The following MICALL2 variants were observed in gnomAD, a reference collection of about 807,000 sequenced individuals.
MICALL2 encodes MICAL like 2.
A neutral mutation model predicts 91.1 loss-of-function variants in MICALL2; 111 were observed. The observed-to-expected ratio is 1.22, with a 90% CI of 1.04 to 1.43. The LOEUF (loss-of-function observed/expected upper bound fraction) is 1.43. Ranked by LOEUF, MICALL2 falls within the 40% of genes most tolerant of loss-of-function variation. The pLI is 0.00. For missense variants in MICALL2, 1,556 were observed against 1,236.0 expected (o/e 1.26, Z -3.88); for synonymous variants, 694 against 525.3 (o/e 1.32, Z -4.39).
At position 1,438,159 on chromosome 7, in the gene MICALL2, C is replaced by A. The variant is rs767507443; in HGVS notation, c.2249G>T (p.Arg750Leu). Reference protein sequence around the residue: ...IQRQLQDIERRLDALELRGVE... With the variant: ...IQRQLQDIERLLDALELRGVE... Reference sequence around the variant, plus strand: ...GCCGCGGAGCTCCAGGGCGTCCAGCCGCCTCTCGATGTCCTGCAGCTGCCT... The same window carrying A: ...GCCGCGGAGCTCCAGGGCGTCCAGCAGCCTCTCGATGTCCTGCAGCTGCCT... The change falls in exon 12 of 17, where the codon CGG becomes CTG. Residue 750 changes from arginine (R) to leucine (L), a missense_variant. Physicochemically the swap from Arg to Leu is moderately radical, Grantham distance 102. Coordinates refer to ENST00000297508, the MANE Select transcript of MICALL2 (RefSeq NM_182924.4). The A allele has an allele frequency of 1.9e-6, 3 of 1,563,812 alleles. No individual in the cohort carries two copies. Among genetic ancestry groups the A allele is most frequent in the Admixed American group, 1.9e-5 (1 of 52,710 alleles).
In MICALL2 at chr7:1,448,633, G is replaced by A. The variant is rs145238090; in HGVS notation, c.321C>T (p.His107=). The A allele has an allele frequency of 4.8e-4, 777 of 1,612,644 alleles. 2 individuals are homozygous for A. Among genetic ancestry groups the A allele is most frequent in the Middle Eastern group, 4.8e-3 (29 of 6,056 alleles). ...GCAGGGACTCACTGGGGGAGCGGCC[G>A]TGGAAGTAGTTGTAATACTGGGACA... The part of the protein sequence containing the change: ...TYVSQYYNYF[H]GRSPIGGMAG... Residue 107 remains histidine, a synonymous_variant, in exon 3 of 17, where the codon CAC becomes CAT. Coordinates refer to ENST00000297508, the MANE Select transcript of MICALL2 (RefSeq NM_182924.4).
rs371847470 is a variant in MICALL2, at chr7:1,453,134, G to T, written c.144-2846C>A. On this transcript the variant is annotated intron_variant, in intron 1 of 16. Transcript: ENST00000297508. The stretch of plus-strand genomic sequence containing the variant: ...ACATCGCCAGGTGGAGACCCCACTC[G>T]TGTCTCCAGGAGCCCCCCAAGAAAA... Among the ~76,000 whole-genome samples the T allele has an allele frequency of 1.1e-4, 17 of 152,018 alleles. No individual in the cohort carries two copies. In the South Asian group the frequency reaches 3.5e-3, roughly 32 times the overall value.
Position 1,434,428 on chromosome 7 carries a change from C to T in MICALL2, c.*168G>A, listed in dbSNP as rs1289677293. On this transcript the variant is annotated 3_prime_UTR_variant, in exon 17 of 17. Transcript: ENST00000297508. ...AGCGCAGGTCCCTGCTGTCCACATG[C>T]CCCTTGTAGGGACAGGAGGCCCTTC... 1.4e-6 allele frequency: 1 copy of T among 705,956 alleles called. No individual in the cohort carries two copies. Among genetic ancestry groups the T allele is most frequent in the Admixed American group, 2.0e-5 (1 of 49,814 alleles). The allele number at this position is 705,956 out of a possible 1,614,324, so 43.7% of individuals were successfully genotyped here.
In MICALL2 at chr7:1,451,137, C is replaced by T. The variant is rs1370941769; in HGVS notation, c.144-849G>A. Among the ~76,000 whole-genome samples, 1 of 152,142 alleles carries T rather than the reference C, an allele frequency of 6.6e-6. No homozygotes were observed. The highest frequency in any genetic ancestry group is 1.5e-5 in the Non-Finnish European group (1 of 68,010). ...AGGGATGCAAGGGTCCCGGGAAGTT[C>T]CCGAGGTGAGGTCCCCGGCCAGCCT... On this transcript the variant is annotated intron_variant, in intron 1 of 16. Coordinates refer to ENST00000297508, the MANE Select transcript of MICALL2 (RefSeq NM_182924.4). The surrounding 1 kb of genome is among the most constrained non-coding windows in gnomAD (Gnocchi z 4.5).
intron 8 of MICALL2, 143 bp downstream of exon 8, chr7:1,440,448 G>A (rs1023518092): frequency 6.6e-6 from 5 of 756,304 alleles, no homozygotes; most frequent in African/African-American, 3.4e-5. Context: ...TGTCCCTCAG[G>A]CAGGGGTGAC....
At position 1,436,748 on chromosome 7, in the gene MICALL2, C is replaced by T. The variant is rs1414612480; in HGVS notation, c.2585G>A (p.Arg862Gln). Residue 862 changes from arginine to glutamine, a missense_variant, in exon 15 of 17, where the codon CGG becomes CAG. Transcript: ENST00000297508. ...SDIVDSLDED[R>Q]LREQEEDQML... ...CCCGGCACCTGCCCCTCACCGGAGC[C>T]GGTCCTCGTCCAGCGAGTCCACGAT... 2 of 1,604,294 alleles carry T rather than the reference C, an allele frequency of 1.2e-6. No homozygotes were observed. Among genetic ancestry groups the T allele is most frequent in the African/African-American group, 1.3e-5 (1 of 74,540 alleles).
chr7:1,440,563 C>T (rs764133060), intron 8 of MICALL2, 28 bp downstream of exon 8: 3 of 1,594,012 alleles, frequency 1.9e-6, no homozygotes, highest in Non-Finnish European at 2.6e-6. Context: ...GTGTACCAGG[C>T]CCTGGGCCAG....
rs200338039 is a variant in MICALL2, at chr7:1,438,678, A to T, written c.2122+162T>A. ...TCTGAAACAGCTAGGGTCTCTATTC[A>T]TGAGGGCGGGCCTGGGGCACGGGGC... On this transcript the variant is annotated intron_variant, in intron 10 of 16. Transcript: ENST00000297508. 3.6e-5 allele frequency: 52 copies of T among 1,449,040 alleles called. No homozygotes were observed. The Middle Eastern group carries it at 8.2e-4, about 23-fold the overall frequency. The allele number at this position is 1,449,040 out of a possible 1,614,324, so 89.8% of individuals were successfully genotyped here.
Position 1,442,193 on chromosome 7 carries a change from C to G in MICALL2, c.1710G>C (p.Gln570His), listed in dbSNP as rs200592083. Residue 570 changes from glutamine (Q) to histidine (H), a missense_variant and splice_region_variant, in exon 7 of 17, where the codon CAG (glutamine) becomes CAC (histidine). Transcript: ENST00000297508. ...MAKGKSTTLT[Q>H]DMSTSLQEGQ... ...CCTGCCTCCCAGCCCCTTACTCACC[C>G]TGCGTTAAGGTGGTGCTTTTACCCT... The G allele has an allele frequency of 1.5e-5, 24 of 1,612,300 alleles. No individual in the cohort carries two copies. The African/African-American group carries it at 1.6e-4, about 11-fold the overall frequency.
intron 7 of MICALL2, chr7:1,441,846 C>T (rs973978894): frequency 6.0e-6 from 2 of 334,084 alleles, no homozygotes; most frequent in Non-Finnish European, 5.5e-6. Flanking sequence ...ACAGGAGGCC[C>T]CACAGACCAC....
chr7:1,440,797 C>T (rs1440322943), intron 7 of MICALL2, 113 bp from the exon 8 acceptor site: 2 of 888,436 alleles, frequency 2.3e-6, no homozygotes, highest in Non-Finnish European at 3.6e-6. Context: ...CACCCTCAGA[C>T]ACCCCCACAG....
intron 10 of MICALL2, 191 bp from the exon 11 acceptor site, chr7:1,438,544 CCACCCTG>C (rs900784143): frequency 1.4e-6 from 2 of 1,429,026 alleles, no homozygotes; most frequent in Non-Finnish European, 1.8e-6. Context: ...AGGCCCAGCC[CCACCCTG>C]CACCCTGCCC....
chr7:1,437,518 G>GCGCGCGGGGGA lies in MICALL2; in HGVS notation c.2476+6_2476+16dup, dbSNP rs201589719. On this transcript the variant is annotated intron_variant, in intron 14 of 16. Transcript: ENST00000297508. Reference sequence around the variant, plus strand: ...ATCCCTGGCTGGGGCCCCTTGGCTGGCGCGCGGGGGACGCACCGGGCTTGG... The same window carrying GCGCGCGGGGGA: ...ATCCCTGGCTGGGGCCCCTTGGCTGGCGCGCGGGGGACGCGCGGGGGACGCACCGGGCTTGG... 6.2e-3 allele frequency: 9,358 copies of GCGCGCGGGGGA among 1,509,984 alleles called. 499 individuals carry two copies. In the African/African-American group the frequency reaches 0.11, roughly 18 times the overall value. The allele number at this position is 1,509,984 out of a possible 1,614,324, so 93.5% of individuals were successfully genotyped here. A position where few individuals can be genotyped will look rare whatever the true frequency, so the allele number is the denominator to read the frequency against.
At chr7:1,446,615 G>A in intron 5 of MICALL2, 98 bp downstream of exon 5, 1 of 783,170 alleles carries the variant, frequency 1.3e-6, no homozygotes, top group African/African-American at 1.8e-5. Context: ...GGAACGAGGA[G>A]CGGGGAGGAG....
intron 1 of MICALL2, among the ~76,000 whole-genome samples, chr7:1,455,468 C>T (rs1005782993): frequency 5.3e-5 from 8 of 152,198 alleles, no homozygotes; most frequent in South Asian, 2.1e-4. Context: ...GCAGGGGACC[C>T]GCCCACCCTG....
intron 4 of MICALL2, 115 bp from the exon 5 acceptor site, chr7:1,446,943 G>C (rs1780625633): frequency 1.4e-6 from 1 of 739,748 alleles, no homozygotes; most frequent in East Asian, 2.8e-5. Context: ...GGCCAGGAGA[G>C]GAGCCGCCAG....
At chr7:1,440,762 C>T (rs536375884) in intron 7 of MICALL2, 78 bp from the exon 8 acceptor site, 18 of 1,248,530 alleles carry the variant, frequency 1.4e-5, no homozygotes, top group Non-Finnish European at 2.1e-5. Flanking sequence ...CTGTGCCTCC[C>T]CCTGCCATCT....
chr7:1,444,719 G>A lies in MICALL2; in HGVS notation c.1351C>T (p.Gln451Ter), dbSNP rs1332468956. 6.2e-7 allele frequency: 1 copy of A among 1,612,402 alleles called. No homozygotes were observed. Among genetic ancestry groups the A allele is most frequent in the Admixed American group, 1.7e-5 (1 of 60,024 alleles). Residue 451 changes from glutamine (Q) to a stop codon, truncating the protein, a stop_gained, in exon 6 of 17, where the codon CAG (glutamine) becomes TAG (stop). Coordinates refer to ENST00000297508, the MANE Select transcript of MICALL2 (RefSeq NM_182924.4). LOFTEE classifies it high-confidence loss of function. ...LVLSKDSSKEQARNFLKQALS... is the reference protein window; with the variant it reads ...LVLSKDSSKE ...GCCTGCTTGAGGAAGTTCCGCGCCT[G>A]CTCCTTGCTGCTGTCCTTGGATAGA... is the stretch of plus-strand genomic sequence containing the variant.
intron 6 of MICALL2, among the ~76,000 whole-genome samples, chr7:1,443,654 G>A (rs1351098691): frequency 2.0e-5 from 3 of 152,336 alleles, no homozygotes; most frequent in Non-Finnish European, 2.9e-5. Flanking sequence ...CAGAGAGAAG[G>A]CCACATGGAA....
Sources: gnomAD v4.1 joint callset for allele counts (sites outside exome capture counted in the v4.1 genomes callset) on GRCh38, gnomAD v4.1.1 for gene constraint, Gnocchi (gnomAD v3.1) non-coding constraint, MANE v1.5 for transcripts, NCBI Gene and HGNC (gene_info 2026-07-23, HGNC 2026-07-21) for gene names.